Variants in HERC3 observed in about 807,000 individuals in gnomAD.
The protein encoded by HERC3 is probable E3 ubiquitin-protein ligase HERC3.
In HERC3, 58 loss-of-function variants were observed where a neutral mutation model predicts 129.9. The ratio of observed to expected loss-of-function variants is 0.45; its 90% confidence interval spans 0.36 to 0.56. The LOEUF (loss-of-function observed/expected upper bound fraction) is 0.56, where lower values mean the gene tolerates loss of function less well. HERC3 is among the 20% of genes least tolerant of loss of function. HERC3 has a pLI of 0.00. For missense variants in HERC3, 835 were observed against 1,244.2 expected, an observed-to-expected ratio of 0.67 and a Z score of 4.95; for synonymous variants, 430 against 451.0, an observed-to-expected ratio of 0.95 and a Z score of 0.59.
chr4:88,546,691 A>G, the HERC3 span, among the ~76,000 whole-genome samples: 1 of 152,056 alleles, frequency 6.6e-6, no homozygotes, highest in South Asian at 2.1e-4. Flanking sequence ...TAGTCCTTTC[A>G]TGCATTGTGT....
the HERC3 span, among the ~76,000 whole-genome samples, chr4:88,550,184 T>A: frequency 6.6e-6 from 1 of 152,258 alleles, no homozygotes; most frequent in Non-Finnish European, 1.5e-5. Flanking sequence ...AGAAACCCCA[T>A]CTTGCAAGAC....
upstream of HERC3, among the ~76,000 whole-genome samples, chr4:88,592,208 G>C (rs13114063): frequency 1.3e-5 from 2 of 152,206 alleles, no homozygotes; most frequent in Non-Finnish European, 2.9e-5. Flanking sequence ...CAGCGTCAAC[G>C]CTCTATGTCT....
intron 23 of HERC3, chr4:88,697,672 G>T: frequency 6.2e-7 from 1 of 1,612,840 alleles, no homozygotes; most frequent in Non-Finnish European, 8.5e-7. Flanking sequence ...ACCGCCTTCC[G>T]CCATTACCTC....
At chr4:88,555,406 A>G in the HERC3 span, among the ~76,000 whole-genome samples, 16 of 152,232 alleles carry the variant, frequency 1.1e-4, no homozygotes, top group African/African-American at 2.4e-4. Flanking sequence ...GTATGACAGC[A>G]TGGAAGTTTT....
chr4:88,675,195 C>T (rs1355873828), intron 16 of HERC3, among the ~76,000 whole-genome samples: 2 of 152,178 alleles, frequency 1.3e-5, no homozygotes, highest in African/African-American at 4.8e-5. Context: ...GATGACTCGC[C>T]TCTGTTTTCT....
At chr4:88,615,204 G>A (rs1484298564) in intron 3 of HERC3, among the ~76,000 whole-genome samples, 1 of 151,800 alleles carries the variant, frequency 6.6e-6, no homozygotes, top group African/African-American at 2.4e-5. Context: ...TTTTTAGTTT[G>A]GCAATTTTGA....
intron 21 of HERC3, chr4:88,684,714 A>G (rs527744293): frequency 6.6e-6 from 1 of 152,360 alleles, no homozygotes; most frequent in African/African-American, 2.4e-5. Context: ...AATTTTTGCA[A>G]TCTATCCATC....
intron 3 of HERC3, among the ~76,000 whole-genome samples, chr4:88,627,752 A>G (rs1236790697): frequency 6.8e-6 from 1 of 147,192 alleles, no homozygotes; most frequent in African/African-American, 2.5e-5. Context: ...AAAATACAAA[A>G]AAGTAGGCAG....
chr4:88,684,499 C>CAAAACCCTAGAAGA (rs1181784216), intron 21 of HERC3, among the ~76,000 whole-genome samples: 2 of 151,782 alleles, frequency 1.3e-5, no homozygotes, highest in African/African-American at 4.8e-5. Context: ...TGTAAAAACC[C>CAAAACCCTAGAAGA]AAAACCCTAG....
intron 18 of HERC3, 54 bp downstream of exon 18, chr4:88,676,477 A>G: frequency 8.1e-7 from 1 of 1,239,808 alleles, no homozygotes; most frequent in East Asian, 2.3e-5. Context: ...CCCATTCTAG[A>G]CATTCAGTTG....
chr4:88,694,810 A>G (rs1443554752), intron 23 of HERC3, among the ~76,000 whole-genome samples: 1 of 152,132 alleles, frequency 6.6e-6, no homozygotes, highest in African/African-American at 2.4e-5. Flanking sequence ...GGTTTTATAA[A>G]TGTTTTGATT....
chr4:88,626,586 T>G (rs967864715), intron 3 of HERC3, among the ~76,000 whole-genome samples: 1 of 152,202 alleles, frequency 6.6e-6, no homozygotes, highest in Non-Finnish European at 1.5e-5. Context: ...GTGGAGACAT[T>G]TTATAATTTC....
rs570189861 is a variant in HERC3, at chr4:88,679,992, C to G, written c.2197-101C>G. On this transcript the variant is annotated intron_variant, in intron 19 of 25. Coordinates refer to ENST00000402738, the MANE Select transcript of HERC3 (RefSeq NM_014606.3). The stretch of plus-strand genomic sequence containing the variant: ...GCATCAGTGTGTATTCTTTGTTATG[C>G]TTTCCTTCCTTTGTCCTGAGTTTAG... 62 of 1,006,990 alleles carry G rather than the reference C, an allele frequency of 6.2e-5. No individual in the cohort carries two copies. In the African/African-American group the frequency reaches 9.0e-4, roughly 15 times the overall value. The allele number at this position is 1,006,990 out of a possible 1,614,324, so 62.4% of individuals were successfully genotyped here.
chr4:88,575,892 A>G, the HERC3 span, among the ~76,000 whole-genome samples: 2 of 152,180 alleles, frequency 1.3e-5, no homozygotes, highest in African/African-American at 2.4e-5. Context: ...GCAGTATGCT[A>G]GGTGCTGCGT....
the HERC3 span, among the ~76,000 whole-genome samples, chr4:88,550,556 A>G: frequency 2.0e-5 from 3 of 152,196 alleles, no homozygotes; most frequent in Non-Finnish European, 4.4e-5. Flanking sequence ...AGAATAAAAT[A>G]CTTAGGAATC....
the HERC3 span, among the ~76,000 whole-genome samples, chr4:88,573,222 C>T: frequency 6.6e-6 from 1 of 152,218 alleles, no homozygotes; most frequent in South Asian, 2.1e-4. Flanking sequence ...AATCCATAGC[C>T]ATTTGGAGAA....
At chr4:88,530,462 G>C in the HERC3 span, among the ~76,000 whole-genome samples, 1 of 152,170 alleles carries the variant, frequency 6.6e-6, no homozygotes, top group Non-Finnish European at 1.5e-5. Context: ...CACAAAGAAG[G>C]CTGTGCCTAA....
At chr4:88,667,241 G>C in intron 12 of HERC3, 136 bp from the exon 13 acceptor site, 1 of 464,540 alleles carries the variant, frequency 2.2e-6, no homozygotes, top group East Asian at 3.5e-5. Context: ...GCAAAGTGTA[G>C]TATTTTTGTG....
intron 20 of HERC3, 112 bp downstream of exon 20, chr4:88,680,348 A>C: frequency 1.4e-6 from 1 of 732,698 alleles, no homozygotes; most frequent in Non-Finnish European, 2.1e-6. Context: ...CAAGGATAAT[A>C]ATTCAAAATG....
Sources: gnomAD v4.1 joint callset for allele counts (sites outside exome capture counted in the v4.1 genomes callset) on GRCh38, gnomAD v4.1.1 for gene constraint, MANE v1.5 for transcripts, NCBI Gene and HGNC (gene_info 2026-07-23, HGNC 2026-07-21) for gene names.